NRK: variants seen among roughly 807,000 people sequenced by gnomAD.
NRK encodes Nik related kinase, also known as nik-related protein kinase.
In NRK, 67 loss-of-function variants were observed where a neutral mutation model predicts 125.2. The observed-to-expected ratio is 0.54, with a 90% CI of 0.44 to 0.66. NRK has a LOEUF of 0.66. Among genes scored for constraint, NRK ranks in the 30% least tolerant of loss-of-function variants. The probability of loss-of-function intolerance (pLI) is 0.00; values close to 1 mark genes in which losing one functional copy is unlikely to be tolerated. For synonymous variants in NRK, 458 were observed against 429.0 expected, an observed-to-expected ratio of 1.07 and a Z score of -0.84; for missense variants, 1,224 against 1,192.9, an observed-to-expected ratio of 1.03 and a Z score of -0.38.
At chrX:105,828,594 A>C (rs1043915439) in intron 1 of NRK, among the ~76,000 whole-genome samples, 1 of 112,130 alleles carries the variant, frequency 8.9e-6, no homozygotes, top group Admixed American at 9.5e-5. Flanking sequence ...ATAGTTTACC[A>C]ATAGGAATCA....
chrX:105,941,769 C>T (rs1362480793), intron 23 of NRK, among the ~76,000 whole-genome samples: 1 of 111,372 alleles, frequency 9.0e-6, no homozygotes, highest in Non-Finnish European at 1.9e-5. Context: ...AAATAATGTA[C>T]ATACCATGAA....
At chrX:105,915,210 A>T (rs1301177720) in intron 14 of NRK, among the ~76,000 whole-genome samples, 1 of 110,836 alleles carries the variant, frequency 9.0e-6, no homozygotes, top group Non-Finnish European at 1.9e-5. Context: ...GACACTTTTG[A>T]CTAGAGAGAT....
intron 2 of NRK, among the ~76,000 whole-genome samples, chrX:105,843,146 G>C (rs2039351255): frequency 9.0e-6 from 1 of 111,712 alleles, no homozygotes; most frequent in Admixed American, 9.5e-5. Context: ...GGGATAAATG[G>C]CAAGCAGAAA....
At position 105,839,138 on chromosome X, in the gene NRK, G is replaced by A. The variant is rs1228965783; in HGVS notation, c.123+8019G>A. Reference sequence around the variant, plus strand: ...TTCAGAAACACAGTGCTGACATTTGGGTTGCCTAGCCACTAGGCCTATTGG... The same window carrying A: ...TTCAGAAACACAGTGCTGACATTTGAGTTGCCTAGCCACTAGGCCTATTGG... On this transcript the variant is annotated intron_variant, in intron 2 of 28. Transcript: ENST00000243300. 3.6e-5 allele frequency among the ~76,000 whole-genome samples: 4 copies of A among 110,921 alleles called. No individual in the cohort carries two copies. The Admixed American group carries it at 3.8e-4, about 11-fold the overall frequency.
In NRK at chrX:105,957,266, A is replaced by G. The variant is rs2040988618; in HGVS notation, c.*1666A>G. ...GTTTACAACTCAAACAACTTTTTGA[A>G]TGCAGTAGTTTTTTTTTTTTAAAAA... On this transcript the variant is annotated 3_prime_UTR_variant, in exon 29 of 29. Transcript: ENST00000243300. The G allele has an allele frequency of 9.0e-6, 1 of 110,569 alleles. No individual in the cohort carries two copies. The allele number at this position is 110,569 out of a possible 1,213,427, so 9.1% of individuals were successfully genotyped here.
At chrX:105,831,671 C>A (rs1441423993) in intron 2 of NRK, among the ~76,000 whole-genome samples, 1 of 111,469 alleles carries the variant, frequency 9.0e-6, no homozygotes, top group Non-Finnish European at 1.9e-5. Flanking sequence ...CAGATAAAGT[C>A]CCTTCTCTTT....
intron 2 of NRK, among the ~76,000 whole-genome samples, chrX:105,879,496 C>T (rs2039859308): frequency 1.8e-5 from 2 of 111,159 alleles, no homozygotes; most frequent in Non-Finnish European, 3.8e-5. Context: ...AAATCTGTAG[C>T]TTATACTTGC....
At chrX:105,895,363 CAGAAAGAAAGAAAGAAAGAA>C in intron 6 of NRK, 50 bp from the exon 7 acceptor site, 1 of 780,185 alleles carries the variant, frequency 1.3e-6, no homozygotes, top group Non-Finnish European at 1.9e-6. Context: ...AGAACTGTAC[CAGAAAGAAAGAAAGAAAGAA>C]AGAAAGAAAG....
At chrX:105,849,559 C>T (rs2039444424) in intron 2 of NRK, among the ~76,000 whole-genome samples, 2 of 111,883 alleles carry the variant, frequency 1.8e-5, no homozygotes, top group Non-Finnish European at 3.8e-5. Context: ...GTCCCTTCTG[C>T]CTATGAGCCT....
chrX:105,836,771 C>G (rs778250792), intron 2 of NRK, among the ~76,000 whole-genome samples: 1 of 112,263 alleles, frequency 8.9e-6, no homozygotes, highest in South Asian at 3.6e-4. Flanking sequence ...CATTAACTAG[C>G]TATAACCTTG....
chrX:105,842,455 T>C (rs1380066908), intron 2 of NRK, among the ~76,000 whole-genome samples: 1 of 111,726 alleles, frequency 9.0e-6, no homozygotes, highest in African/African-American at 3.3e-5. Context: ...TTATTGCTTC[T>C]ACTGGGAGCC....
intron 2 of NRK, among the ~76,000 whole-genome samples, chrX:105,834,301 GC>G (rs2039233544): frequency 9.0e-6 from 1 of 111,618 alleles, no homozygotes; most frequent in African/African-American, 3.2e-5. Flanking sequence ...GTTTAAACAT[GC>G]CAATTTGTCT....
chrX:105,843,402 A>G (rs908017507), intron 2 of NRK, among the ~76,000 whole-genome samples: 12 of 111,792 alleles, frequency 1.1e-4, no homozygotes, highest in African/African-American at 6.5e-5. Flanking sequence ...CGGAATGACT[A>G]TTTTTACAGG....
rs868066685 is a variant in NRK, at chrX:105,880,217, G to C, written c.142G>C (p.Gly48Arg). The C allele has an allele frequency of 9.2e-7, 1 of 1,089,218 alleles. No individual in the cohort carries two copies. The allele number at this position is 1,089,218 out of a possible 1,213,427, so 89.8% of individuals were successfully genotyped here. Residue 48 changes from glycine (G) to arginine (R), a missense_variant, in exon 3 of 29, where the codon GGT becomes CGT. Physicochemically the swap from Gly to Arg is moderately radical, Grantham distance 125. Coordinates refer to ENST00000243300, the MANE Select transcript of NRK (RefSeq NM_198465.4). Reference sequence around the variant, plus strand: ...ATTTCAGGGACTTCATGAGAAGACTGGTGCATTTACAGCTGTTAAAGTGAT... The same window carrying C: ...ATTTCAGGGACTTCATGAGAAGACTCGTGCATTTACAGCTGTTAAAGTGAT... The part of the protein sequence containing the change: ...RIYLGLHEKT[G>R]AFTAVKVMNA...
chrX:105,949,394 C>T (rs757721354), intron 26 of NRK, among the ~76,000 whole-genome samples, 181 bp from the exon 27 acceptor site: 30 of 111,992 alleles, frequency 2.7e-4, no homozygotes, highest in African/African-American at 9.7e-4. Flanking sequence ...GAATTTATGA[C>T]ATAAAGAAAG....
At chrX:105,875,779 GA>G (rs2039807671) in intron 2 of NRK, among the ~76,000 whole-genome samples, 1 of 110,720 alleles carries the variant, frequency 9.0e-6, no homozygotes, top group Non-Finnish European at 1.9e-5. Flanking sequence ...CTAGAGTCAA[GA>G]ATGACTACAA....
chrX:105,935,397 A>G, intron 21 of NRK, 72 bp downstream of exon 21: 1 of 668,153 alleles, frequency 1.5e-6, no homozygotes, highest in Admixed American at 3.7e-5. Context: ...GACATAAAAT[A>G]TTTGCTTACT....
intron 1 of NRK, among the ~76,000 whole-genome samples, chrX:105,826,227 ATAT>A (rs1168765181): frequency 2.2e-5 from 2 of 89,594 alleles, no homozygotes; most frequent in African/African-American, 4.1e-5. Context: ...ATGTGATAAT[ATAT>A]TATCATATAT....
chrX:105,881,748 A>C lies in NRK; in HGVS notation c.221A>C (p.Lys74Thr), dbSNP rs1210744027. ...PEIGRRVRVNKYQKSVGWRYS... is the reference protein window; with the variant it reads ...PEIGRRVRVNTYQKSVGWRYS... ...ATAGGAAGGCGAGTGAGAGTGAATA[A>C]ATATCAAAAATCTGTTGGGTGGAGA... is the stretch of plus-strand genomic sequence containing the variant. Residue 74 changes from lysine (K) to threonine (T), a missense_variant, in exon 4 of 29, where the codon AAA becomes ACA. Transcript: ENST00000243300. 8.7e-7 allele frequency: 1 copy of C among 1,148,531 alleles called. No individual in the cohort carries two copies. Among genetic ancestry groups the C allele is most frequent in the South Asian group, 1.9e-5 (1 of 52,289 alleles). The allele number at this position is 1,148,531 out of a possible 1,213,427, so 94.7% of individuals were successfully genotyped here.
Sources: gnomAD v4.1 joint callset for allele counts (sites outside exome capture counted in the v4.1 genomes callset) on GRCh38, gnomAD v4.1.1 for gene constraint, MANE v1.5 for transcripts, NCBI Gene and HGNC (gene_info 2026-07-23, HGNC 2026-07-21) for gene names.